Variants in MAOB observed in about 807,000 individuals in gnomAD.
MAOB encodes the protein amine oxidase [flavin-containing] B.
A neutral mutation model predicts 41.9 loss-of-function variants in MAOB; 15 were observed. The observed-to-expected ratio is 0.36, with a 90% CI of 0.24 to 0.55. The LOEUF is 0.55. Among genes scored for constraint, MAOB ranks in the 20% least tolerant of loss-of-function variants. MAOB has a pLI of 0.86. For missense variants in MAOB, 345 were observed against 398.7 expected (o/e 0.87, Z 1.15); for synonymous variants, 167 against 144.2 (o/e 1.16, Z -1.13).
intron 11 of MAOB, 27 bp downstream of exon 11, chrX:43,778,655 T>A: frequency 8.6e-7 from 1 of 1,165,763 alleles, no homozygotes; most frequent in South Asian, 1.8e-5. Flanking sequence ...CTCTCACCCT[T>A]AGTATAGGGT....
At chrX:43,776,625 T>C (rs2034260258) in intron 11 of MAOB, among the ~76,000 whole-genome samples, 1 of 111,511 alleles carries the variant, frequency 9.0e-6, no homozygotes, top group Non-Finnish European at 1.9e-5. Flanking sequence ...TTTTTTTTAT[T>C]ATACTTTAAG....
At chrX:43,870,794 C>CAAAAAA (rs763016344) in intron 1 of MAOB, among the ~76,000 whole-genome samples, 9 of 21,871 alleles carry the variant, frequency 4.1e-4, no homozygotes, top group Non-Finnish European at 5.5e-4. Flanking sequence ...GACTCCACCT[C>CAAAAAA]AAAAAAAAAA....
chrX:43,862,514 G>T (rs1431221144), intron 1 of MAOB, among the ~76,000 whole-genome samples: 1 of 112,667 alleles, frequency 8.9e-6, no homozygotes, highest in Non-Finnish European at 1.9e-5. Context: ...TGTGAAAGCA[G>T]TAGAATTACA....
intron 3 of MAOB, among the ~76,000 whole-genome samples, chrX:43,824,192 C>A (rs1279350489): frequency 8.9e-6 from 1 of 112,158 alleles, no homozygotes; most frequent in African/African-American, 3.2e-5. Flanking sequence ...CTTCAATTAC[C>A]AATTGATGAG....
At chrX:43,836,742 T>C (rs1276584386) in intron 3 of MAOB, among the ~76,000 whole-genome samples, 5 of 112,355 alleles carry the variant, frequency 4.5e-5, no homozygotes, top group African/African-American at 1.3e-4. Context: ...TTTCTAATCA[T>C]ATTTTTACAA....
chrX:43,844,703 C>G (rs1602022290), intron 1 of MAOB: 1 of 112,677 alleles, frequency 8.9e-6, no homozygotes, highest in South Asian at 3.7e-4. Flanking sequence ...CCCTCACTCT[C>G]TCTTCTGGAG....
At chrX:43,801,410 CAT>C (rs933050943) in intron 5 of MAOB, among the ~76,000 whole-genome samples, 15 of 111,466 alleles carry the variant, frequency 1.3e-4, no homozygotes, top group African/African-American at 4.9e-4. Flanking sequence ...CCGAGCCAAA[CAT>C]ATTCTCAACT....
chrX:43,811,691 T>A (rs1351409036), intron 3 of MAOB, among the ~76,000 whole-genome samples: 1 of 111,677 alleles, frequency 9.0e-6, no homozygotes, highest in African/African-American at 3.3e-5. Flanking sequence ...TTTTTTAAAT[T>A]TTTAAAAAGT....
intron 1 of MAOB, among the ~76,000 whole-genome samples, chrX:43,864,569 A>G (rs2035353585): frequency 8.9e-6 from 1 of 111,830 alleles, no homozygotes; most frequent in Non-Finnish European, 1.9e-5. Flanking sequence ...GAGTGGATTT[A>G]TTCCTGCCAA....
intron 12 of MAOB, among the ~76,000 whole-genome samples, chrX:43,771,937 T>C (rs1376331052): frequency 9.0e-6 from 1 of 111,691 alleles, no homozygotes; most frequent in African/African-American, 3.3e-5. Flanking sequence ...TAGGACATCA[T>C]AAAGGGGAAC....
chrX:43,790,480 G>A (rs747917413), intron 8 of MAOB, among the ~76,000 whole-genome samples: 1 of 112,173 alleles, frequency 8.9e-6, no homozygotes, highest in African/African-American at 3.2e-5. Context: ...TCAGTGCCTA[G>A]CACTGTGTCT....
intron 1 of MAOB, among the ~76,000 whole-genome samples, chrX:43,868,943 A>G (rs1031688529): frequency 1.8e-5 from 2 of 110,941 alleles, no homozygotes; most frequent in East Asian, 2.8e-4. Flanking sequence ...GGAGGCATTC[A>G]GTTAATGTTT....
intron 8 of MAOB, among the ~76,000 whole-genome samples, chrX:43,791,226 A>G (rs886223335): frequency 9.0e-6 from 1 of 111,647 alleles, no homozygotes; most frequent in African/African-American, 3.3e-5. Flanking sequence ...CAGCGGAAAA[A>G]GAGTAGTTAC....
intron 1 of MAOB, among the ~76,000 whole-genome samples, chrX:43,847,988 T>C (rs1355123062): frequency 8.9e-6 from 1 of 112,723 alleles, no homozygotes; most frequent in Non-Finnish European, 1.9e-5. Context: ...CTGAGAAGTT[T>C]ACTTGGAAAA....
intron 1 of MAOB, among the ~76,000 whole-genome samples, chrX:43,848,059 T>G (rs968013043): frequency 8.9e-6 from 1 of 112,493 alleles, no homozygotes; most frequent in African/African-American, 3.2e-5. Flanking sequence ...TTTAAATACT[T>G]AGAAATCAGT....
intron 1 of MAOB, among the ~76,000 whole-genome samples, chrX:43,875,657 C>A (rs2035435031): frequency 9.0e-6 from 1 of 111,718 alleles, no homozygotes; most frequent in Non-Finnish European, 1.9e-5. Context: ...CGTGGCCCCT[C>A]AATTTGGCTC....
chrX:43,850,221 A>G (rs898343332), intron 1 of MAOB: 11 of 338,642 alleles, frequency 3.2e-5, no homozygotes, highest in Non-Finnish European at 3.8e-5. Context: ...ATTACCTCCT[A>G]TAACATACAG....
At chrX:43,786,565 A>T (rs1184673458) in intron 8 of MAOB, among the ~76,000 whole-genome samples, 1 of 111,950 alleles carries the variant, frequency 8.9e-6, no homozygotes, top group Non-Finnish European at 1.9e-5. Flanking sequence ...TGAAGAAGAA[A>T]TGTTTAAAGT....
chrX:43,878,408 TTGTGTG>T (rs66511222), intron 1 of MAOB, among the ~76,000 whole-genome samples: 25 of 88,826 alleles, frequency 2.8e-4, no homozygotes, highest in African/African-American at 4.6e-4. Flanking sequence ...TACCCAGCCT[TTGTGTG>T]TGTGTGTGTG....
Sources: gnomAD v4.1 joint callset for allele counts (sites outside exome capture counted in the v4.1 genomes callset) on GRCh38, gnomAD v4.1.1 for gene constraint, MANE v1.5 for transcripts, NCBI Gene and HGNC (gene_info 2026-07-23, HGNC 2026-07-21) for gene names.